The following OR6J1 variants were observed in gnomAD, a reference collection of about 807,000 sequenced individuals.
OR6J1 encodes olfactory receptor family 6 subfamily J member 1, also known as olfactory receptor 6J1.
For missense variants in OR6J1, 304 were observed against 166.8 expected (o/e 1.82, Z -4.53); for synonymous variants, 109 against 70.0 (o/e 1.56, Z -2.78).
rs1404962272 is a variant in OR6J1 at position 22,639,253 on chromosome 14, C to T, written c.-27-4415G>A. Reference sequence around the variant, plus strand: ...AGGTGGTGGGGGGTCAGCCCCCCGCCAGGCCAGCCGCCCCGTCCGGGAGGT... The same window carrying T: ...AGGTGGTGGGGGGTCAGCCCCCCGCTAGGCCAGCCGCCCCGTCCGGGAGGT... On this transcript the variant is annotated intron_variant, in intron 1 of 1. Transcript: ENST00000540461. Among the ~76,000 whole-genome samples, 2 of 127,400 alleles carry T rather than the reference C, an allele frequency of 1.6e-5. 1 individual carries two copies. The highest frequency in any genetic ancestry group is 7.7e-5 in the African/African-American group (2 of 25,814). 83.6% of individuals were successfully genotyped at this position (127,400 alleles called of 152,430 possible). A position where few individuals can be genotyped will look rare whatever the true frequency, so the allele number is the denominator to read the frequency against.
intron 1 of OR6J1, among the ~76,000 whole-genome samples, chr14:22,640,945 G>C (rs549108171): frequency 6.0e-4 from 91 of 151,182 alleles, no homozygotes; most frequent in African/African-American, 2.1e-3. Context: ...GAGGTGGGAG[G>C]ATGACTTAAG....
intron 1 of OR6J1, among the ~76,000 whole-genome samples, chr14:22,635,634 A>G (rs772396618): frequency 6.6e-6 from 1 of 152,222 alleles, no homozygotes; most frequent in Non-Finnish European, 1.5e-5. Context: ...AAATATACAT[A>G]AAAATGACCA....
rs75056118 is a variant in OR6J1 at position 22,634,763 on chromosome 14, A to G, written c.49T>C (p.Ser17Pro). The G allele has an allele frequency of 5.1e-3, 3,566 of 703,442 alleles. 91 individuals are homozygous for G. In the African/African-American group the frequency reaches 0.054, roughly 11 times the overall value. The allele number at this position is 703,442 out of a possible 1,614,324, so 43.6% of individuals were successfully genotyped here. The change falls in exon 2 of 2, where the codon TCC becomes CCC. Residue 17 changes from serine to proline, a missense_variant. Transcript: ENST00000540461. ...AVTEFVLLGF[S>P]LSREVELLLL... ...AGCAGCTCCACCTCCCTGCTCAGGG[A>G]AAACCCCAGCAGAACAAACTCAGTC...
At chr14:22,643,949 T>A (rs574871048) in intron 1 of OR6J1, 149 bp downstream of exon 1, 1 of 152,294 alleles carries the variant, frequency 6.6e-6, no homozygotes. Flanking sequence ...CATCTTTGCA[T>A]AAGGTGCAAC....
intron 1 of OR6J1, among the ~76,000 whole-genome samples, chr14:22,641,209 A>AG (rs1566397555): frequency 3.2e-4 from 6 of 18,702 alleles, no homozygotes; most frequent in Admixed American, 7.9e-4. Context: ...GGAGAGAAAG[A>AG]TAAGAAAGAA....
Position 22,631,137 on chromosome 14 carries a change from C to A in OR6J1, c.*2631G>T, listed in dbSNP as rs1181319673. The A allele has an allele frequency of 6.6e-6, 1 of 152,178 alleles. No homozygotes were observed. The highest frequency in any genetic ancestry group is 1.5e-5 in the Non-Finnish European group (1 of 68,038). 9.4% of individuals were successfully genotyped at this position (152,178 alleles called of 1,614,324 possible). On this transcript the variant is annotated 3_prime_UTR_variant, in exon 2 of 2. Transcript: ENST00000540461. ...GAGGCATGGCGAGATCACAGGACCA[C>A]AGGACCAGGGTGAAATTAAAATTGC... is the stretch of plus-strand genomic sequence containing the variant.
Position 22,631,649 on chromosome 14 carries a change from T to C in OR6J1, c.*2119A>G, listed in dbSNP as rs939019549. 3.3e-5 allele frequency: 5 copies of C among 152,232 alleles called. No homozygotes were observed. The highest frequency in any genetic ancestry group is 9.7e-5 in the African/African-American group (4 of 41,448). 9.4% of individuals were successfully genotyped at this position (152,232 alleles called of 1,614,324 possible). A position where few individuals can be genotyped will look rare whatever the true frequency, so the allele number is the denominator to read the frequency against. On this transcript the variant is annotated 3_prime_UTR_variant, in exon 2 of 2. Coordinates refer to ENST00000540461, the MANE Select transcript of OR6J1 (RefSeq NM_001348233.2). ...TCACATGGTCCTGAGGTGACATACATCTTCCTCAGCTGACAGGATTAAGAG... is the reference window on the plus strand; with the variant it reads ...TCACATGGTCCTGAGGTGACATACACCTTCCTCAGCTGACAGGATTAAGAG...
intron 1 of OR6J1, among the ~76,000 whole-genome samples, chr14:22,641,447 G>A (rs61013438): frequency 7.7e-4 from 37 of 48,128 alleles, no homozygotes; most frequent in East Asian, 1.1e-3. Context: ...ATGAAAGAGA[G>A]AGAAAGAAAG....
At chr14:22,641,727 C>T (rs3118891) in intron 1 of OR6J1, among the ~76,000 whole-genome samples, 4,310 of 152,144 alleles carry the variant, frequency 0.028, 69 homozygotes, top group Non-Finnish European at 0.041. Flanking sequence ...TGCATGCCCT[C>T]GCACAGCTTT....
chr14:22,638,636 C>A (rs2037614269), intron 1 of OR6J1, among the ~76,000 whole-genome samples: 2 of 62,236 alleles, frequency 3.2e-5, no homozygotes, highest in African/African-American at 1.8e-4. Flanking sequence ...GAGAAACACC[C>A]AAGAATGATC....
chr14:22,635,894 A>G (rs559938008), intron 1 of OR6J1, among the ~76,000 whole-genome samples: 1 of 152,284 alleles, frequency 6.6e-6, no homozygotes, highest in South Asian at 2.1e-4. Flanking sequence ...CCTACTAAAT[A>G]AGACCCAAAA....
In OR6J1 at chr14:22,634,487, C is replaced by T. The variant is rs1167916137; in HGVS notation, c.325G>A (p.Val109Ile). 1.4e-6 allele frequency: 1 copy of T among 703,358 alleles called. No homozygotes were observed. Among genetic ancestry groups the T allele is most frequent in the Admixed American group, 2.0e-5 (1 of 50,012 alleles). The allele number at this position is 703,358 out of a possible 1,614,324, so 43.6% of individuals were successfully genotyped here. ...QCYFYFFLGTVEFLLLTVMSY... is the reference protein window; with the variant it reads ...QCYFYFFLGTIEFLLLTVMSY... ...ATGACCGTCAGCAGGAGGAACTCAACTGTGCCCAAGAAAAAGTAGAAATAG... is the reference window on the plus strand; with the variant it reads ...ATGACCGTCAGCAGGAGGAACTCAATTGTGCCCAAGAAAAAGTAGAAATAG... Residue 109 changes from valine (V) to isoleucine (I), a missense_variant, in exon 2 of 2, where the codon GTT (valine) becomes ATT (isoleucine). Transcript: ENST00000540461.
intron 1 of OR6J1, 72 bp downstream of exon 1, chr14:22,644,026 A>G (rs2037672589): frequency 6.6e-6 from 1 of 152,276 alleles, no homozygotes; most frequent in Non-Finnish European, 1.5e-5. Flanking sequence ...GCAAAGATAC[A>G]CACCTGAGAT....
chr14:22,639,248 C>T (rs1457017403), intron 1 of OR6J1, among the ~76,000 whole-genome samples: 4 of 126,814 alleles, frequency 3.2e-5, no homozygotes, highest in African/African-American at 7.9e-5. Flanking sequence ...GGGTCAGCCC[C>T]CCGCCAGGCC....
In OR6J1 at chr14:22,638,672, A is replaced by T. The variant is rs1266405180; in HGVS notation, c.-27-3834T>A. 7.2e-5 allele frequency among the ~76,000 whole-genome samples: 8 copies of T among 110,382 alleles called. 1 individual carries two copies. Among genetic ancestry groups the T allele is most frequent in the African/African-American group, 1.6e-4 (5 of 31,528 alleles). 72.4% of individuals were successfully genotyped at this position (110,382 alleles called of 152,430 possible). On this transcript the variant is annotated intron_variant, in intron 1 of 1. Coordinates refer to ENST00000540461, the MANE Select transcript of OR6J1 (RefSeq NM_001348233.2). ...AATAAAAAAAATAAAAATAAAAAAA[A>T]AATAAAAAAAATTAAGACACTAGCA... is the stretch of plus-strand genomic sequence containing the variant.
rs547986510 is a variant in OR6J1, at chr14:22,639,008, G to A, written c.-27-4170C>T. On this transcript the variant is annotated intron_variant, in intron 1 of 1. Transcript: ENST00000540461. ...TGGGATGTGAGGAGCGCCTCTGCCC[G>A]GCCGAGACCCCGTCTGGGAGGTGAG... 2.2e-4 allele frequency among the ~76,000 whole-genome samples: 24 copies of A among 110,088 alleles called. 1 individual carries two copies. Among genetic ancestry groups the A allele is most frequent in the Admixed American group, 1.1e-3 (13 of 12,286 alleles). 72.2% of individuals were successfully genotyped at this position (110,088 alleles called of 152,430 possible).
At chr14:22,636,574 C>G (rs1340131539) in intron 1 of OR6J1, among the ~76,000 whole-genome samples, 1 of 119,686 alleles carries the variant, frequency 8.4e-6, no homozygotes, top group Non-Finnish European at 1.6e-5. Flanking sequence ...CCACGCCTCA[C>G]TGGTTTTCGT....
Position 22,633,403 on chromosome 14 carries a change from AAG to A in OR6J1, c.*363_*364del, listed in dbSNP as rs1209958123. On this transcript the variant is annotated 3_prime_UTR_variant, in exon 2 of 2. Transcript: ENST00000540461. The stretch of plus-strand genomic sequence containing the variant: ...AAAGATCCTGCAGAGGATGGAAAGA[AAG>A]AGGGTCCGTGCAGAGAAGTTCAGGA... The A allele has an allele frequency of 1.0e-5, 2 of 192,278 alleles. No individual in the cohort carries two copies. Among genetic ancestry groups the A allele is most frequent in the Middle Eastern group, 2.2e-3 (1 of 446 alleles). The allele number at this position is 192,278 out of a possible 1,614,324, so 11.9% of individuals were successfully genotyped here. A position where few individuals can be genotyped will look rare whatever the true frequency, so the allele number is the denominator to read the frequency against.
chr14:22,642,432 G>A (rs778838907), intron 1 of OR6J1, among the ~76,000 whole-genome samples: 35 of 150,584 alleles, frequency 2.3e-4, no homozygotes, highest in Non-Finnish European at 3.7e-4. Flanking sequence ...TCCACCTCCA[G>A]GGTTCAAGCG....
Sources: gnomAD v4.1 joint callset for allele counts (sites outside exome capture counted in the v4.1 genomes callset) on GRCh38, gnomAD v4.1.1 for gene constraint, MANE v1.5 for transcripts, NCBI Gene and HGNC (gene_info 2026-07-23, HGNC 2026-07-21) for gene names.